The following CCDC85C variants were observed in gnomAD, a reference collection of about 807,000 sequenced individuals.
CCDC85C encodes coiled-coil domain containing 85C, also known as coiled-coil domain-containing protein 85C.
CCDC85C carries 18 observed loss-of-function variants against 38.3 expected under a neutral mutation model. That is an observed-to-expected ratio of 0.47 (90% CI 0.33 to 0.70). The LOEUF (loss-of-function observed/expected upper bound fraction) is 0.70. Ranked by LOEUF, CCDC85C falls within the 30% of genes least tolerant of loss-of-function variation. The pLI, the probability that CCDC85C is intolerant of heterozygous loss-of-function variation, is 0.03. For synonymous variants in CCDC85C, 264 were observed against 293.8 expected (o/e 0.90, Z 1.04); for missense variants, 566 against 621.2 (o/e 0.91, Z 0.94).
At chr14:99,552,223 G>A (rs1287038928) in intron 1 of CCDC85C, among the ~76,000 whole-genome samples, 1 of 152,206 alleles carries the variant, frequency 6.6e-6, no homozygotes, top group Non-Finnish European at 1.5e-5. Flanking sequence ...TGCACCACTG[G>A]GGAGGAGGTA....
At chr14:99,584,925 C>G (rs571149265) in intron 1 of CCDC85C, among the ~76,000 whole-genome samples, 1 of 152,292 alleles carries the variant, frequency 6.6e-6, no homozygotes, top group South Asian at 2.1e-4. Context: ...CTTGCCTCTA[C>G]AGAGAAACAT....
chr14:99,545,141 T>C lies in CCDC85C; in HGVS notation c.794-9053A>G, dbSNP rs1030385027. Reference sequence around the variant, plus strand: ...CCCCAGTGAGTGCACGCCTGTCCTCTCAGTGTCATCTGTCCCCTCGTGGGC... The same window carrying C: ...CCCCAGTGAGTGCACGCCTGTCCTCCCAGTGTCATCTGTCCCCTCGTGGGC... On this transcript the variant is annotated intron_variant, in intron 1 of 5. Transcript: ENST00000380243. The surrounding 1 kb of genome is among the most constrained non-coding windows in gnomAD (Gnocchi z 4.7). Among the ~76,000 whole-genome samples the C allele has an allele frequency of 3.9e-5, 6 of 152,172 alleles. No homozygotes were observed. Among genetic ancestry groups the C allele is most frequent in the Admixed American group, 2.6e-4 (4 of 15,282 alleles).
At chr14:99,567,454 G>A (rs2139957338) in intron 1 of CCDC85C, among the ~76,000 whole-genome samples, 1 of 152,294 alleles carries the variant, frequency 6.6e-6, no homozygotes, top group East Asian at 1.9e-4. Context: ...AAAGAGCTTG[G>A]TAAGGCTGTG....
chr14:99,595,445 C>G (rs1168731529), intron 1 of CCDC85C, among the ~76,000 whole-genome samples: 3 of 152,158 alleles, frequency 2.0e-5, no homozygotes, highest in African/African-American at 7.2e-5. Flanking sequence ...TGGGGTTTCA[C>G]TATGTTGGCT....
At chr14:99,593,729 G>A (rs1028387231) in intron 1 of CCDC85C, among the ~76,000 whole-genome samples, 1 of 152,350 alleles carries the variant, frequency 6.6e-6, no homozygotes, top group East Asian at 1.9e-4. Flanking sequence ...GCCCCTAGCT[G>A]GCCTGCTGGA....
rs1897293995 is a variant in CCDC85C, at chr14:99,520,805, G to C, written c.975+1328C>G. Among the ~76,000 whole-genome samples, 1 of 152,226 alleles carries C rather than the reference G, an allele frequency of 6.6e-6. No homozygotes were observed. The highest frequency in any genetic ancestry group is 1.5e-5 in the Non-Finnish European group (1 of 68,040). ...TCACTTCCTCCTCTCCAAAGTAGGGGACACCCCTTCATGCACAGAGCAGTC... is the reference window on the plus strand; with the variant it reads ...TCACTTCCTCCTCTCCAAAGTAGGGCACACCCCTTCATGCACAGAGCAGTC... On this transcript the variant is annotated intron_variant, in intron 3 of 5. Coordinates refer to ENST00000380243, the MANE Select transcript of CCDC85C (RefSeq NM_001144995.2). The surrounding 1 kb of genome is among the most constrained non-coding windows in gnomAD (Gnocchi z 4.1).
chr14:99,549,827 C>T (rs1405706818), intron 1 of CCDC85C, among the ~76,000 whole-genome samples: 3 of 152,360 alleles, frequency 2.0e-5, no homozygotes, highest in Admixed American at 1.3e-4. Flanking sequence ...GGGGAGGACA[C>T]ATTCTTCCAG....
chr14:99,534,766 C>T, intron 2 of CCDC85C: 1 of 701,498 alleles, frequency 1.4e-6, no homozygotes, highest in Admixed American at 2.0e-5. Context: ...GACCCCAGCC[C>T]CTCCTGCCCT....
intron 1 of CCDC85C, among the ~76,000 whole-genome samples, chr14:99,564,247 G>A (rs757265313): frequency 3.0e-4 from 46 of 152,180 alleles, no homozygotes; most frequent in Admixed American, 4.6e-4. Flanking sequence ...CCACTGCTGC[G>A]TCCTTGCTGC....
intron 3 of CCDC85C, among the ~76,000 whole-genome samples, chr14:99,518,013 C>T (rs573344103): frequency 1.3e-5 from 2 of 152,182 alleles, no homozygotes; most frequent in African/African-American, 4.8e-5. Context: ...AGGACATCTT[C>T]GGGGCTCCCA....
intron 1 of CCDC85C, among the ~76,000 whole-genome samples, chr14:99,567,109 C>A (rs185454563): frequency 8.0e-5 from 12 of 149,868 alleles, no homozygotes; most frequent in Non-Finnish European, 1.0e-4. Flanking sequence ...GGGCCTCAGC[C>A]TTGCTTCCTC....
chr14:99,519,524 C>CTCCT (rs1897275455), intron 3 of CCDC85C, among the ~76,000 whole-genome samples: 1 of 152,140 alleles, frequency 6.6e-6, no homozygotes, highest in South Asian at 2.1e-4. Context: ...GTCTGTGGGA[C>CTCCT]TCCTGAGCTG....
chr14:99,603,723 G>A lies in CCDC85C; in HGVS notation c.237C>T (p.Asp79=). 1 of 1,518,858 alleles carries A rather than the reference G, an allele frequency of 6.6e-7. No individual in the cohort carries two copies. The highest frequency in any genetic ancestry group is 1.2e-5 in the South Asian group (1 of 81,770). The allele number at this position is 1,518,858 out of a possible 1,614,324, so 94.1% of individuals were successfully genotyped here. ...AGAGCTCGCGCAGCTCCTGGTTGTCGTCCTGCAGCCGCTGGTTCACGTCCT... is the reference window on the plus strand; with the variant it reads ...AGAGCTCGCGCAGCTCCTGGTTGTCATCCTGCAGCCGCTGGTTCACGTCCT... ...GLKDVNQRLQ[D]DNQELRELCC... Residue 79 remains aspartate, a synonymous_variant, in exon 1 of 6, where the codon GAC becomes GAT. Transcript: ENST00000380243. The surrounding 1 kb of genome is among the most constrained non-coding windows in gnomAD (Gnocchi z 7.5).
chr14:99,544,579 G>A lies in CCDC85C; in HGVS notation c.794-8491C>T, dbSNP rs1428441071. 1.3e-5 allele frequency among the ~76,000 whole-genome samples: 2 copies of A among 152,034 alleles called. No homozygotes were observed. The highest frequency in any genetic ancestry group is 2.9e-5 in the Non-Finnish European group (2 of 67,990). On this transcript the variant is annotated intron_variant, in intron 1 of 5. Transcript: ENST00000380243. This position sits in a 1 kb window ranked among gnomAD's most constrained non-coding sequence, Gnocchi z 5.3. The stretch of plus-strand genomic sequence containing the variant: ...TAGACAACCCACTGAGGCAGGGGAT[G>A]GGGCTTGGAAGACAGCCTGACTCCC...
At chr14:99,531,789 A>T (rs372441743) in intron 2 of CCDC85C, among the ~76,000 whole-genome samples, 6 of 152,200 alleles carry the variant, frequency 3.9e-5, no homozygotes, top group East Asian at 1.9e-4. Context: ...AAATGCCAGA[A>T]TCACAGAATC....
intron 1 of CCDC85C, among the ~76,000 whole-genome samples, chr14:99,546,181 G>C (rs895914256): frequency 2.0e-5 from 3 of 152,032 alleles, no homozygotes; most frequent in African/African-American, 7.2e-5. Flanking sequence ...TTCATCACTA[G>C]ATGTCAACCA....
chr14:99,556,385 G>C (rs1249496141), intron 1 of CCDC85C, among the ~76,000 whole-genome samples: 1 of 152,188 alleles, frequency 6.6e-6, no homozygotes, highest in Non-Finnish European at 1.5e-5. Flanking sequence ...CTGCACTCCA[G>C]CCTGAGTCAC....
At chr14:99,591,910 T>A (rs2055092586) in intron 1 of CCDC85C, among the ~76,000 whole-genome samples, 1 of 152,048 alleles carries the variant, frequency 6.6e-6, no homozygotes, top group Admixed American at 6.5e-5. Flanking sequence ...AATTTTGTAT[T>A]TTTAGTAGAG....
In CCDC85C at chr14:99,513,319, A is replaced by T. The variant is rs1475197947; in HGVS notation, c.*1927T>A. On this transcript the variant is annotated 3_prime_UTR_variant, in exon 6 of 6. Transcript: ENST00000380243. ...CGGTTCTTTGGACTGCAAGACCCAG[A>T]GGGGCCTCTGCTCAGCTGCCCACTC... 6.6e-6 allele frequency: 1 copy of T among 152,234 alleles called. No individual in the cohort carries two copies. The highest frequency in any genetic ancestry group is 1.5e-5 in the Non-Finnish European group (1 of 68,044). 9.4% of individuals were successfully genotyped at this position (152,234 alleles called of 1,614,324 possible).
Sources: allele counts gnomAD v4.1 joint callset (sites outside exome capture counted in the v4.1 genomes callset), GRCh38; gene constraint gnomAD v4.1.1; non-coding constraint Gnocchi (gnomAD v3.1); transcripts MANE v1.5; gene names NCBI Gene and HGNC (gene_info 2026-07-23, HGNC 2026-07-21).